Variants in CCDC91 observed in about 807,000 individuals in gnomAD.
CCDC91 encodes coiled-coil domain-containing protein 91.
In CCDC91, 48 loss-of-function variants were observed where a neutral mutation model predicts 63.2. That is an observed-to-expected ratio of 0.76 (90% CI 0.60 to 0.97). The LOEUF is 0.97. Ranked by LOEUF, CCDC91 falls within the 50% of genes least tolerant of loss-of-function variation. CCDC91 has a pLI of 0.00. For missense variants in CCDC91, 500 were observed against 494.6 expected (o/e 1.01, Z -0.10); for synonymous variants, 167 against 165.8 (o/e 1.01, Z -0.06).
At chr12:28,320,463 TG>T (rs1940378638) in intron 6 of CCDC91, among the ~76,000 whole-genome samples, 2 of 151,898 alleles carry the variant, frequency 1.3e-5, no homozygotes, top group Non-Finnish European at 1.5e-5. Context: ...CTCATCCTCA[TG>T]CAGTGGTGAA....
At chr12:28,415,188 T>G (rs1947563980) in intron 8 of CCDC91, among the ~76,000 whole-genome samples, 1 of 152,068 alleles carries the variant, frequency 6.6e-6, no homozygotes, top group Admixed American at 6.6e-5. Context: ...TTAGGTAAAT[T>G]TTAGAAACCA....
chr12:28,222,822 A>G (rs1184488388), intron 1 of CCDC91, among the ~76,000 whole-genome samples: 4 of 152,202 alleles, frequency 2.6e-5, no homozygotes, highest in Admixed American at 1.3e-4. Flanking sequence ...TAAGATAGCT[A>G]CAACTGCACT....
chr12:28,439,673 A>G (rs1371546676), intron 8 of CCDC91, among the ~76,000 whole-genome samples: 5 of 151,720 alleles, frequency 3.3e-5, no homozygotes, highest in Admixed American at 6.6e-5. Flanking sequence ...AAATTTGTCT[A>G]CAATATCTTT....
intron 6 of CCDC91, among the ~76,000 whole-genome samples, chr12:28,349,498 T>G (rs971311434): frequency 3.3e-5 from 5 of 152,218 alleles, no homozygotes; most frequent in African/African-American, 1.2e-4. Flanking sequence ...CCTATGCTTA[T>G]AAGGGCCTCA....
intron 8 of CCDC91, among the ~76,000 whole-genome samples, chr12:28,405,984 C>A (rs1210423596): frequency 1.3e-5 from 2 of 152,116 alleles, no homozygotes; most frequent in East Asian, 3.8e-4. Context: ...TCAGCAGTAA[C>A]TACCCTATGC....
At chr12:28,267,970 TAATA>T (rs1444182094) in intron 3 of CCDC91, among the ~76,000 whole-genome samples, 1 of 113,000 alleles carries the variant, frequency 8.8e-6, no homozygotes, top group African/African-American at 3.5e-5. Flanking sequence ...TATATATAAT[TAATA>T]TATACCCAAT....
chr12:28,450,782 A>G (rs1949766177), intron 10 of CCDC91, among the ~76,000 whole-genome samples: 1 of 151,788 alleles, frequency 6.6e-6, no homozygotes, highest in South Asian at 2.1e-4. Flanking sequence ...CATCTAAATC[A>G]TGTATTCATA....
intron 3 of CCDC91, among the ~76,000 whole-genome samples, chr12:28,301,217 A>G (rs1237122682): frequency 6.6e-6 from 1 of 151,496 alleles, no homozygotes; most frequent in Non-Finnish European, 1.5e-5. Flanking sequence ...TGAGGTTTAT[A>G]TATTTTATTT....
chr12:28,322,485 G>C (rs1233588774), intron 6 of CCDC91, among the ~76,000 whole-genome samples: 2 of 151,482 alleles, frequency 1.3e-5, no homozygotes, highest in East Asian at 1.9e-4. Flanking sequence ...TTCCTCACTT[G>C]GTTTTTGAAG....
chr12:28,439,860 G>A (rs114033951), intron 8 of CCDC91, among the ~76,000 whole-genome samples: 1,913 of 150,232 alleles, frequency 0.013, 48 homozygotes, highest in African/African-American at 0.044. Flanking sequence ...CTGTTTCTGA[G>A]TGCCTTTATT....
chr12:28,431,010 T>G (rs568728272), intron 8 of CCDC91, among the ~76,000 whole-genome samples: 148 of 152,206 alleles, frequency 9.7e-4, no homozygotes, highest in Non-Finnish European at 1.6e-3. Flanking sequence ...CAAAATTTTA[T>G]GTAGAATATT....
At chr12:28,476,317 A>G (rs2140780472) in intron 11 of CCDC91, among the ~76,000 whole-genome samples, 1 of 152,230 alleles carries the variant, frequency 6.6e-6, no homozygotes, top group South Asian at 2.1e-4. Context: ...GGATTAAGAA[A>G]CTCATTCAAA....
At chr12:28,309,705 G>A (rs1180052053) in intron 6 of CCDC91, among the ~76,000 whole-genome samples, 2 of 151,876 alleles carry the variant, frequency 1.3e-5, no homozygotes, top group Non-Finnish European at 2.9e-5. Context: ...ATAAATCTTT[G>A]GTATATCTTC....
chr12:28,534,810 G>A (rs1942022857), intron 12 of CCDC91, among the ~76,000 whole-genome samples: 1 of 152,136 alleles, frequency 6.6e-6, no homozygotes, highest in Non-Finnish European at 1.5e-5. Flanking sequence ...CTGCATTAGT[G>A]TAGTGATCAT....
chr12:28,360,782 CATTCTCTGGA>C (rs1943828410), intron 6 of CCDC91, among the ~76,000 whole-genome samples: 1 of 152,134 alleles, frequency 6.6e-6, no homozygotes, highest in Non-Finnish European at 1.5e-5. Context: ...CTTATTTTCA[CATTCTCTGGA>C]AGAGTTTGTG....
In CCDC91 at chr12:28,220,873, G is replaced by T. The variant is rs148777423; in HGVS notation, c.-15+30232G>T. 3.7e-3 allele frequency among the ~76,000 whole-genome samples: 568 copies of T among 151,834 alleles called. 2 individuals carry two copies. Among genetic ancestry groups the T allele is most frequent in the African/African-American group, 0.013 (533 of 41,460 alleles). On this transcript the variant is annotated intron_variant, in intron 1 of 12. Coordinates refer to ENST00000536442, the MANE Select transcript of CCDC91 (RefSeq NM_018318.5). ...CTGGCCTAAATACAAATATTCTCTT[G>T]TATTAGTTTTCTGTAATTAGATTAT... is the stretch of plus-strand genomic sequence containing the variant.
chr12:28,193,810 G>A lies in CCDC91; in HGVS notation c.-15+3169G>A, dbSNP rs1201955342. 2.6e-5 allele frequency among the ~76,000 whole-genome samples: 4 copies of A among 152,148 alleles called. No homozygotes were observed. In the East Asian group the frequency reaches 7.7e-4, roughly 29 times the overall value. ...TTGAATTTTTCTTCTAACATATTGA[G>A]CGTCTTTTCCTGTGCTATTATTTGC... On this transcript the variant is annotated intron_variant, in intron 1 of 12. Coordinates refer to ENST00000536442, the MANE Select transcript of CCDC91 (RefSeq NM_018318.5).
chr12:28,435,398 A>G (rs771002280), intron 8 of CCDC91, among the ~76,000 whole-genome samples: 18 of 151,540 alleles, frequency 1.2e-4, no homozygotes, highest in Admixed American at 4.0e-4. Context: ...TTATCCAGGT[A>G]TCTTGGGATT....
At chr12:28,339,488 G>A (rs1395486740) in intron 6 of CCDC91, among the ~76,000 whole-genome samples, 1 of 151,042 alleles carries the variant, frequency 6.6e-6, no homozygotes, top group Non-Finnish European at 1.5e-5. Context: ...CTCCTTATCT[G>A]TATCTGCAGA....
Sources: gnomAD v4.1 joint callset for allele counts (sites outside exome capture counted in the v4.1 genomes callset) on GRCh38, gnomAD v4.1.1 for gene constraint, MANE v1.5 for transcripts, NCBI Gene and HGNC (gene_info 2026-07-23, HGNC 2026-07-21) for gene names.